UNC45B: variants seen among roughly 807,000 people sequenced by gnomAD.
The protein encoded by UNC45B is protein unc-45 homolog B.
UNC45B carries 78 observed loss-of-function variants against 98.7 expected under a neutral mutation model. That is an observed-to-expected ratio of 0.79 (90% CI 0.66 to 0.95). The LOEUF is 0.95. Ranked by LOEUF, UNC45B falls within the 40% of genes least tolerant of loss-of-function variation. The pLI is 0.00. For missense variants in UNC45B, 1,225 were observed against 1,184.9 expected (o/e 1.03, Z -0.50); for synonymous variants, 462 against 480.4 (o/e 0.96, Z 0.50).
intron 18 of UNC45B, among the ~76,000 whole-genome samples, chr17:35,182,529 A>T (rs927808819): frequency 1.3e-5 from 2 of 152,088 alleles, no homozygotes; most frequent in Non-Finnish European, 2.9e-5. Context: ...CCTGAAAGTG[A>T]CACATCACTT....
intron 9 of UNC45B, 64 bp from the exon 10 acceptor site, chr17:35,167,997 A>G (rs1331512846): frequency 7.3e-7 from 1 of 1,374,832 alleles, no homozygotes; most frequent in East Asian, 2.7e-5. Flanking sequence ...TACTGCCTCC[A>G]AATCTCACAC....
chr17:35,170,379 G>A, intron 12 of UNC45B, 124 bp downstream of exon 12: 2 of 1,199,338 alleles, frequency 1.7e-6, no homozygotes, highest in Non-Finnish European at 2.2e-6. Context: ...AAACATGATT[G>A]GTTATTTCCC....
intron 7 of UNC45B, among the ~76,000 whole-genome samples, chr17:35,156,503 G>A (rs2092062749): frequency 6.6e-6 from 1 of 152,182 alleles, no homozygotes; most frequent in South Asian, 2.1e-4. Context: ...GCGCATGCCT[G>A]TAATCCCAGC....
At chr17:35,169,313 AT>A (rs1324965369) in intron 10 of UNC45B, among the ~76,000 whole-genome samples, 1 of 152,178 alleles carries the variant, frequency 6.6e-6, no homozygotes, top group Non-Finnish European at 1.5e-5. Context: ...TGCTGGGAGG[AT>A]TACAGGCGTG....
chr17:35,171,523 G>A (rs1452113980), intron 13 of UNC45B, 61 bp downstream of exon 13: 40 of 1,576,924 alleles, frequency 2.5e-5, no homozygotes, highest in East Asian at 4.5e-5. Context: ...CAAAGGAGGC[G>A]GAACGGCAAA....
chr17:35,181,019 G>T (rs1178060251), intron 18 of UNC45B, among the ~76,000 whole-genome samples: 1 of 152,044 alleles, frequency 6.6e-6, no homozygotes, highest in African/African-American at 2.4e-5. Flanking sequence ...GTCAAGGAAG[G>T]CTAGACCACT....
Position 35,180,289 on chromosome 17 carries a change from A to AGAGAGAGAGAGAGAGAG in UNC45B, c.2256-270_2256-269insGAGAGAGAGAGAGAGAG, listed in dbSNP as rs57021893. 6.8e-5 allele frequency among the ~76,000 whole-genome samples: 10 copies of AGAGAGAGAGAGAGAGAG among 147,184 alleles called. No individual in the cohort carries two copies. In the East Asian group the frequency reaches 9.9e-4, roughly 15 times the overall value. On this transcript the variant is annotated intron_variant, in intron 17 of 19. Coordinates refer to ENST00000394570, the MANE Select transcript of UNC45B (RefSeq NM_001267052.2). The stretch of plus-strand genomic sequence containing the variant: ...GAGAGAGAGAGAGAGAGAGAGAGAG[A>AGAGAGAGAGAGAGAGAG]ATTTCTTTACTGCAATAATACAGAG...
At chr17:35,182,082 G>A (rs2142604145) in intron 18 of UNC45B, among the ~76,000 whole-genome samples, 1 of 150,778 alleles carries the variant, frequency 6.6e-6, no homozygotes, top group South Asian at 2.1e-4. Flanking sequence ...ATTTGGATTG[G>A]GTGGCTCACT....
At chr17:35,159,257 C>A in intron 7 of UNC45B, 118 bp from the exon 8 acceptor site, 1 of 982,156 alleles carries the variant, frequency 1.0e-6, no homozygotes, top group South Asian at 1.6e-5. Flanking sequence ...TGGGAATTCA[C>A]ATATTCAGGA....
At chr17:35,173,392 C>T (rs973768057) in intron 13 of UNC45B, among the ~76,000 whole-genome samples, 7 of 152,150 alleles carry the variant, frequency 4.6e-5, no homozygotes, top group African/African-American at 1.7e-4. Flanking sequence ...TCCCAAAGTG[C>T]TGGAATTACA....
In UNC45B at chr17:35,159,531, A is replaced by G. The variant is rs758368076; in HGVS notation, c.965A>G (p.Tyr322Cys). ...ATTCATGACAACTCACGTACCATCT[A>G]TGTGGTGGATAATGGTGAGAAGAGG... is the stretch of plus-strand genomic sequence containing the variant. ...LAIHDNSRTI[Y>C]VVDNGLRKIL... Residue 322 changes from tyrosine to cysteine, a missense_variant, in exon 8 of 20, where the codon TAT becomes TGT. Coordinates refer to ENST00000394570, the MANE Select transcript of UNC45B (RefSeq NM_001267052.2). 1 of 1,613,752 alleles carries G rather than the reference A, an allele frequency of 6.2e-7. No homozygotes were observed. Among genetic ancestry groups the G allele is most frequent in the East Asian group, 2.2e-5 (1 of 44,886 alleles).
intron 9 of UNC45B, among the ~76,000 whole-genome samples, chr17:35,167,752 T>G (rs1362242075): frequency 6.6e-6 from 1 of 152,200 alleles, no homozygotes; most frequent in African/African-American, 2.4e-5. Context: ...TCCTGCTTCC[T>G]TCTCTTCCCA....
intron 9 of UNC45B, among the ~76,000 whole-genome samples, chr17:35,165,363 C>G (rs1476225458): frequency 6.6e-6 from 1 of 152,152 alleles, no homozygotes; most frequent in Non-Finnish European, 1.5e-5. Context: ...CAGTGCATGA[C>G]CTTTTAATTC....
chr17:35,177,868 T>G lies in UNC45B; in HGVS notation c.2255+258T>G, dbSNP rs145443981. Among the ~76,000 whole-genome samples, 5 of 152,024 alleles carry G rather than the reference T, an allele frequency of 3.3e-5. No homozygotes were observed. In the East Asian group the frequency reaches 9.7e-4, roughly 29 times the overall value. Reference sequence around the variant, plus strand: ...TTTTCTTTTCTCTTCTCTTCTCTTTTCTTTCTTTTCTTTTCTTTTTTTCTT... The same window carrying G: ...TTTTCTTTTCTCTTCTCTTCTCTTTGCTTTCTTTTCTTTTCTTTTTTTCTT... On this transcript the variant is annotated intron_variant, in intron 17 of 19. Transcript: ENST00000394570.
chr17:35,167,043 C>T (rs1286647980), intron 9 of UNC45B: 1 of 152,320 alleles, frequency 6.6e-6, no homozygotes, highest in Non-Finnish European at 1.5e-5. Flanking sequence ...GAAAGCAAGG[C>T]AGAACGTTCC....
intron 13 of UNC45B, among the ~76,000 whole-genome samples, 167 bp from the exon 14 acceptor site, chr17:35,174,075 T>G (rs1383468290): frequency 6.6e-6 from 1 of 152,078 alleles, no homozygotes; most frequent in Admixed American, 6.6e-5. Flanking sequence ...CCTCCCAAAG[T>G]GCTGGGATTA....
chr17:35,153,692 TG>T lies in UNC45B; in HGVS notation c.471+711del, dbSNP rs766031875. 5.7e-3 allele frequency among the ~76,000 whole-genome samples: 859 copies of T among 152,016 alleles called. 8 individuals carry two copies. The highest frequency in any genetic ancestry group is 0.019 in the African/African-American group (770 of 41,448). On this transcript the variant is annotated intron_variant, in intron 5 of 19. Transcript: ENST00000394570. ...ATAGATAAAATAAAGTTTTTTGGTT[TG>T]TTTTTTTTGTTTATTTGGTTTTTTT...
chr17:35,152,336 G>T (rs1381802386), intron 4 of UNC45B, among the ~76,000 whole-genome samples: 1 of 152,146 alleles, frequency 6.6e-6, no homozygotes, highest in Non-Finnish European at 1.5e-5. Context: ...GGTTCAAAAT[G>T]AGCTGGCGGA....
rs761224111 is a variant in UNC45B, at chr17:35,155,259, G to T, written c.640-37G>T. 5 of 1,606,696 alleles carry T rather than the reference G, an allele frequency of 3.1e-6. No homozygotes were observed. In the South Asian group the frequency reaches 5.5e-5, roughly 18 times the overall value. ...CCTGCATGGCAGCTAGAAGGGAGGG[G>T]CAAGGCAGCTGACCATGGTTCTTGC... On this transcript the variant is annotated intron_variant, in intron 6 of 19. Transcript: ENST00000394570.
Sources: allele counts gnomAD v4.1 joint callset (sites outside exome capture counted in the v4.1 genomes callset), GRCh38; gene constraint gnomAD v4.1.1; transcripts MANE v1.5; gene names NCBI Gene and HGNC (gene_info 2026-07-23, HGNC 2026-07-21).